Variants in GRAMD4 observed in about 807,000 individuals in gnomAD.
The protein encoded by GRAMD4 is GRAM domain-containing protein 4.
A neutral mutation model predicts 83.9 loss-of-function variants in GRAMD4; 25 were observed. The ratio of observed to expected loss-of-function variants is 0.30; its 90% CI spans 0.22 to 0.42. GRAMD4 has a LOEUF of 0.42. Ranked by LOEUF, GRAMD4 falls within the 10% of genes least tolerant of loss-of-function variation. The probability of loss-of-function intolerance (pLI) is 1.00; values close to 1 mark genes in which losing one functional copy is unlikely to be tolerated. For missense variants in GRAMD4, 593 were observed against 788.7 expected (o/e 0.75, Z 2.97); for synonymous variants, 336 against 320.9 (o/e 1.05, Z -0.50).
chr22:46,651,295 G>A (rs1327261279), intron 3 of GRAMD4, among the ~76,000 whole-genome samples: 1 of 152,210 alleles, frequency 6.6e-6, no homozygotes, highest in Non-Finnish European at 1.5e-5. Flanking sequence ...GCTGTGACCA[G>A]GTCTGCTGTG....
At chr22:46,633,181 C>G (rs2081802228) in intron 2 of GRAMD4, among the ~76,000 whole-genome samples, 1 of 152,220 alleles carries the variant, frequency 6.6e-6, no homozygotes, top group African/African-American at 2.4e-5. Flanking sequence ...ACAGCCCAGG[C>G]TCCTCGGAAG....
intron 10 of GRAMD4, 62 bp from the exon 11 acceptor site, chr22:46,668,030 TTTTG>T: frequency 8.5e-7 from 1 of 1,175,390 alleles, no homozygotes. Context: ...CTCCACACTG[TTTTG>T]TCAGTGGTTT....
rs1176832936 is a variant in GRAMD4, at chr22:46,678,345, C to T, written c.*1094C>T. The T allele has an allele frequency of 2.0e-6, 2 of 985,380 alleles. No individual in the cohort carries two copies. Among genetic ancestry groups the T allele is most frequent in the Non-Finnish European group, 2.4e-6 (2 of 829,974 alleles). The allele number at this position is 985,380 out of a possible 1,614,324, so 61.0% of individuals were successfully genotyped here. On this transcript the variant is annotated 3_prime_UTR_variant, in exon 19 of 19. Transcript: ENST00000406902. ...TGCACTGCCTGCAGCCGACATGCGACAGCGTTCCCTCCCCCGCGTGCCTAG... is the reference window on the plus strand; with the variant it reads ...TGCACTGCCTGCAGCCGACATGCGATAGCGTTCCCTCCCCCGCGTGCCTAG...
intron 2 of GRAMD4, among the ~76,000 whole-genome samples, chr22:46,630,876 CCG>C (rs1365500718): frequency 2.2e-5 from 2 of 89,346 alleles, no homozygotes; most frequent in African/African-American, 6.4e-5. Flanking sequence ...CCCCCGAGGG[CCG>C]TGTGCCCTCA....
intron 1 of GRAMD4, among the ~76,000 whole-genome samples, chr22:46,624,371 C>T (rs534126959): frequency 1.3e-3 from 165 of 129,102 alleles, no homozygotes; most frequent in Middle Eastern, 5.1e-3. Context: ...TCTCACTGCC[C>T]AGGCTGGAGT....
chr22:46,613,944 G>C (rs529994914), intron 1 of GRAMD4, among the ~76,000 whole-genome samples: 1 of 152,180 alleles, frequency 6.6e-6, no homozygotes, highest in Admixed American at 6.5e-5. Context: ...TGCTGTTCAC[G>C]GAGCCCTGTG....
intron 3 of GRAMD4, among the ~76,000 whole-genome samples, chr22:46,641,751 G>A (rs2081977951): frequency 6.6e-6 from 1 of 152,198 alleles, no homozygotes; most frequent in Admixed American, 6.5e-5. Flanking sequence ...CAGCTTTGAT[G>A]ATTATTGCTC....
rs140114650 is a variant in GRAMD4 at position 46,659,235 on chromosome 22, TCCCTCAGCCTCCC to T, written c.404+936_404+948del. Among the ~76,000 whole-genome samples, 12,600 of 148,250 alleles carry T rather than the reference TCCCTCAGCCTCCC, an allele frequency of 0.085. 681 individuals are homozygous for T. Among genetic ancestry groups the T allele is most frequent in the African/African-American group, 0.15 (5,960 of 39,170 alleles). ...CTTCGGCCTCCCTCTCAGCCTCCACTCCCTCAGCCTCCCCCCTCAGTCTCCACCCTCAGTTTCT... is the reference window on the plus strand; with the variant it reads ...CTTCGGCCTCCCTCTCAGCCTCCACTCCCTCAGTCTCCACCCTCAGTTTCT... On this transcript the variant is annotated intron_variant, in intron 4 of 18. Coordinates refer to ENST00000406902, the MANE Select transcript of GRAMD4 (RefSeq NM_015124.5). The surrounding 1 kb of genome is among the most constrained non-coding windows in gnomAD (Gnocchi z 4.1).
At position 46,621,536 on chromosome 22, in the gene GRAMD4, C is replaced by T; in HGVS notation, c.-50+971C>T. ...CGCGGAGGGCACCCCTACCCCGGTG[C>T]AGGCGCAGGCTGGAGGCGTAGCCCG... On this transcript the variant is annotated intron_variant, in intron 1 of 18. Transcript: ENST00000406902. This position sits in a 1 kb window ranked among gnomAD's most constrained non-coding sequence, Gnocchi z 5.8. Among the ~76,000 whole-genome samples the T allele has an allele frequency of 7.6e-6, 1 of 131,874 alleles. No individual in the cohort carries two copies. 86.5% of individuals were successfully genotyped at this position (131,874 alleles called of 152,430 possible).
intron 9 of GRAMD4, 149 bp from the exon 10 acceptor site, chr22:46,666,676 G>T: frequency 1.5e-6 from 1 of 676,446 alleles, no homozygotes; most frequent in East Asian, 2.8e-5. Context: ...AGGGGGTTCC[G>T]GAGGGACCTT....
rs757990872 is a variant in GRAMD4 at position 46,637,979 on chromosome 22, T to C, written c.283+19T>C. ...TTCTTACGTGAGTACCAGAAAGCGC[T>C]TGGAGGGGATGGGACAAGGTGGGTC... On this transcript the variant is annotated intron_variant, in intron 3 of 18. Coordinates refer to ENST00000406902, the MANE Select transcript of GRAMD4 (RefSeq NM_015124.5). The C allele has an allele frequency of 1.2e-6, 2 of 1,611,506 alleles. No individual in the cohort carries two copies. Among genetic ancestry groups the C allele is most frequent in the South Asian group, 1.1e-5 (1 of 90,952 alleles).
At chr22:46,589,562 T>C (rs1002103354) in intron 1 of GRAMD4, among the ~76,000 whole-genome samples, 2 of 152,042 alleles carry the variant, frequency 1.3e-5, no homozygotes, top group Non-Finnish European at 2.9e-5. Flanking sequence ...CTGCCACCTC[T>C]GCAGTGACCC....
At chr22:46,631,369 G>A (rs1022761460) in intron 2 of GRAMD4, among the ~76,000 whole-genome samples, 3 of 152,228 alleles carry the variant, frequency 2.0e-5, no homozygotes, top group South Asian at 2.1e-4. Context: ...CCTGCATTCC[G>A]CCTCCTGTCT....
chr22:46,621,390 G>T lies in GRAMD4; in HGVS notation c.-50+825G>T, dbSNP rs542014518. 6.6e-6 allele frequency among the ~76,000 whole-genome samples: 1 copy of T among 152,346 alleles called. No homozygotes were observed. Among genetic ancestry groups the T allele is most frequent in the Admixed American group, 6.5e-5 (1 of 15,312 alleles). On this transcript the variant is annotated intron_variant, in intron 1 of 18. Coordinates refer to ENST00000406902, the MANE Select transcript of GRAMD4 (RefSeq NM_015124.5). This position sits in a 1 kb window ranked among gnomAD's most constrained non-coding sequence, Gnocchi z 5.8. ...ATGTCACTGAGATGAAGTCACCCTGGTGTACAGTGGAGCACTCTTCAGTGC... is the reference window on the plus strand; with the variant it reads ...ATGTCACTGAGATGAAGTCACCCTGTTGTACAGTGGAGCACTCTTCAGTGC...
chr22:46,607,937 G>A (rs892820954), intron 1 of GRAMD4, among the ~76,000 whole-genome samples: 3 of 152,138 alleles, frequency 2.0e-5, no homozygotes, highest in Non-Finnish European at 2.9e-5. Flanking sequence ...GGCTGGTGCC[G>A]GCTGCCCCCC....
At chr22:46,642,487 T>A (rs1199521290) in intron 3 of GRAMD4, among the ~76,000 whole-genome samples, 1 of 152,244 alleles carries the variant, frequency 6.6e-6, no homozygotes, top group Non-Finnish European at 1.5e-5. Context: ...TGGTTCTCAG[T>A]GAACATCATC....
At chr22:46,582,222 G>T (rs990537459) in intron 1 of GRAMD4, among the ~76,000 whole-genome samples, 1 of 152,164 alleles carries the variant, frequency 6.6e-6, no homozygotes, top group Non-Finnish European at 1.5e-5. Context: ...CTTTGTGCTT[G>T]GTGAATTGTT....
At chr22:46,623,065 C>A (rs1007883504) in intron 1 of GRAMD4, among the ~76,000 whole-genome samples, 3 of 152,158 alleles carry the variant, frequency 2.0e-5, no homozygotes, top group Non-Finnish European at 4.4e-5. Flanking sequence ...AGCCCATACT[C>A]CCGACGTCTG....
At chr22:46,680,577 T>TACATCCACCCAC (rs2082656873), downstream of GRAMD4, among the ~76,000 whole-genome samples, 1 of 15,256 alleles carries the variant, frequency 6.6e-5, no homozygotes, top group African/African-American at 2.6e-4. Flanking sequence ...CATCCATCCA[T>TACATCCACCCAC]CCATCCATCC....
Sources: allele counts gnomAD v4.1 joint callset (sites outside exome capture counted in the v4.1 genomes callset), GRCh38; gene constraint gnomAD v4.1.1; non-coding constraint Gnocchi (gnomAD v3.1); transcripts MANE v1.5; gene names NCBI Gene and HGNC (gene_info 2026-07-23, HGNC 2026-07-21).